Variants in PRKG1 observed in about 807,000 individuals in gnomAD.
The protein encoded by PRKG1 is cGMP-dependent protein kinase 1.
PRKG1 carries 35 observed loss-of-function variants against 88.1 expected under a neutral mutation model. That is an observed-to-expected ratio of 0.40 (90% confidence interval 0.30 to 0.53). PRKG1 has a LOEUF of 0.53. Among genes scored for constraint, PRKG1 ranks in the 20% least tolerant of loss-of-function variants. The pLI, the probability that PRKG1 is intolerant of heterozygous loss-of-function variation, is 0.59. For synonymous variants in PRKG1, 303 were observed against 292.5 expected (o/e 1.04, Z -0.37); for missense variants, 540 against 839.8 (o/e 0.64, Z 4.41).
intron 5 of PRKG1, among the ~76,000 whole-genome samples, chr10:51,959,624 G>A (rs34073058): frequency 0.047 from 7,142 of 152,202 alleles, 408 homozygotes; most frequent in African/African-American, 0.14. Flanking sequence ...TAGGCAGTGA[G>A]TGTTTGAATT....
intron 7 of PRKG1, among the ~76,000 whole-genome samples, chr10:52,120,902 A>C (rs1013804713): frequency 1.3e-5 from 2 of 152,064 alleles, no homozygotes; most frequent in African/African-American, 4.8e-5. Flanking sequence ...TGCCTCTGTG[A>C]CAAGTTTCTG....
At chr10:51,331,133 G>C (rs1396467668) in intron 2 of PRKG1, among the ~76,000 whole-genome samples, 1 of 152,180 alleles carries the variant, frequency 6.6e-6, no homozygotes, top group East Asian at 1.9e-4. Flanking sequence ...GCCCTTGGCA[G>C]ATGGTGCTTC....
At chr10:52,166,809 G>GTATATATATATATATATATATA (rs1329775053) in intron 9 of PRKG1, among the ~76,000 whole-genome samples, 1 of 70,188 alleles carries the variant, frequency 1.4e-5, no homozygotes, top group Non-Finnish European at 2.3e-5. Flanking sequence ...ATATATATAT[G>GTATATATATATATATATATATA]TATATATATG....
chr10:51,533,959 T>A (rs942951557), intron 3 of PRKG1, among the ~76,000 whole-genome samples: 1 of 152,150 alleles, frequency 6.6e-6, no homozygotes, highest in African/African-American at 2.4e-5. Flanking sequence ...AAATGATTTG[T>A]CCAAAGTCAC....
chr10:52,205,585 A>G (rs1839798353), intron 9 of PRKG1, among the ~76,000 whole-genome samples: 1 of 151,930 alleles, frequency 6.6e-6, no homozygotes, highest in African/African-American at 2.4e-5. Flanking sequence ...TTCCTTAAGA[A>G]CCTCTTGTAA....
intron 1 of PRKG1, among the ~76,000 whole-genome samples, chr10:51,141,421 C>G (rs1055661367): frequency 6.6e-6 from 1 of 152,206 alleles, no homozygotes; most frequent in Non-Finnish European, 1.5e-5. Context: ...GTGGATAACA[C>G]TTACTTCCAT....
At chr10:52,188,375 G>T (rs1044615497) in intron 9 of PRKG1, among the ~76,000 whole-genome samples, 15 of 148,198 alleles carry the variant, frequency 1.0e-4, no homozygotes, top group African/African-American at 3.7e-4. Context: ...TTGAGATGGG[G>T]TCTCAGTCTG....
At chr10:52,043,071 A>G (rs925296797) in intron 5 of PRKG1, among the ~76,000 whole-genome samples, 1 of 152,140 alleles carries the variant, frequency 6.6e-6, no homozygotes, top group Admixed American at 6.5e-5. Flanking sequence ...AAGATAAAAG[A>G]AAACAAGTAT....
intron 4 of PRKG1, among the ~76,000 whole-genome samples, chr10:51,886,095 A>T (rs1031215508): frequency 1.2e-4 from 19 of 152,300 alleles, no homozygotes; most frequent in Middle Eastern, 3.4e-3. Flanking sequence ...ACACAATCAT[A>T]GCTCACTGCA....
At chr10:51,255,048 G>A (rs1435057697) in intron 2 of PRKG1, among the ~76,000 whole-genome samples, 1 of 151,958 alleles carries the variant, frequency 6.6e-6, no homozygotes, top group Non-Finnish European at 1.5e-5. Flanking sequence ...AAAATAATTT[G>A]TTCAATAATG....
intron 4 of PRKG1, among the ~76,000 whole-genome samples, chr10:51,872,338 G>A (rs1051514539): frequency 6.6e-6 from 1 of 152,144 alleles, no homozygotes; most frequent in African/African-American, 2.4e-5. Flanking sequence ...GGAATTAAGT[G>A]AGACAACTTA....
intron 5 of PRKG1, among the ~76,000 whole-genome samples, chr10:51,929,817 G>A (rs986869152): frequency 6.6e-5 from 10 of 152,050 alleles, no homozygotes; most frequent in African/African-American, 9.7e-5. Context: ...TTTTGTTACC[G>A]TTTCTCTAAC....
intron 7 of PRKG1, among the ~76,000 whole-genome samples, chr10:52,121,014 T>C (rs1162167848): frequency 1.3e-5 from 2 of 152,316 alleles, no homozygotes; most frequent in East Asian, 1.9e-4. Flanking sequence ...TAGTTATATG[T>C]GGACACTGCC....
chr10:51,348,999 C>T (rs868292963), intron 2 of PRKG1, among the ~76,000 whole-genome samples: 1 of 151,938 alleles, frequency 6.6e-6, no homozygotes. Flanking sequence ...ATACTTGAGA[C>T]GATAGTGAGA....
At chr10:52,122,330 C>T (rs1847839059) in intron 7 of PRKG1, among the ~76,000 whole-genome samples, 1 of 152,308 alleles carries the variant, frequency 6.6e-6, no homozygotes, top group East Asian at 1.9e-4. Flanking sequence ...TTAATGGTCC[C>T]TCTTCTCAAC....
intron 2 of PRKG1, among the ~76,000 whole-genome samples, chr10:51,183,585 A>G (rs1837407861): frequency 6.6e-6 from 1 of 152,168 alleles, no homozygotes; most frequent in Non-Finnish European, 1.5e-5. Context: ...ATTTCAATGA[A>G]GAGAGGTAAA....
At chr10:51,526,566 T>A (rs1841889410) in intron 3 of PRKG1, among the ~76,000 whole-genome samples, 2 of 152,212 alleles carry the variant, frequency 1.3e-5, no homozygotes, top group African/African-American at 2.4e-5. Flanking sequence ...TAATCATTTT[T>A]AAAAAATTTA....
intron 2 of PRKG1, chr10:51,306,492 GGA>G (rs1841041380): frequency 6.6e-6 from 1 of 152,158 alleles, no homozygotes; most frequent in African/African-American, 2.4e-5. Context: ...ATGTTGGAGG[GGA>G]GGCAGAGAAA....
At chr10:51,062,725 C>G (rs550366029) in intron 1 of PRKG1, 3 of 151,846 alleles carry the variant, frequency 2.0e-5, no homozygotes, top group Non-Finnish European at 4.4e-5. Flanking sequence ...TGGGTTCAAG[C>G]GATTCTCCTG....
Sources: allele counts gnomAD v4.1 joint callset (sites outside exome capture counted in the v4.1 genomes callset), GRCh38; gene constraint gnomAD v4.1.1; transcripts MANE v1.5; gene names NCBI Gene and HGNC (gene_info 2026-07-23, HGNC 2026-07-21).